Variants in JAKMIP1 observed in about 807,000 individuals in gnomAD.
JAKMIP1 encodes janus kinase and microtubule-interacting protein 1.
In JAKMIP1, 33 loss-of-function variants were observed where a neutral mutation model predicts 113.0. The observed-to-expected ratio is 0.29, with a 90% CI of 0.22 to 0.39. The LOEUF (loss-of-function observed/expected upper bound fraction) is 0.39, where lower values mean the gene tolerates loss of function less well. Among genes scored for constraint, JAKMIP1 ranks in the 10% least tolerant of loss-of-function variants. The pLI, the probability that JAKMIP1 is intolerant of heterozygous loss-of-function variation, is 1.00. For missense variants in JAKMIP1, 813 were observed against 1,080.5 expected (o/e 0.75, Z 3.47); for synonymous variants, 480 against 459.9 (o/e 1.04, Z -0.56).
At chr4:6,038,330 C>T (rs1713833327) in intron 18 of JAKMIP1, among the ~76,000 whole-genome samples, 1 of 147,678 alleles carries the variant, frequency 6.8e-6, no homozygotes, top group South Asian at 2.1e-4. Flanking sequence ...CAGTAGCCCT[C>T]CATCACTGAG....
Position 6,185,815 on chromosome 4 carries a change from A to G in JAKMIP1, c.-148+14438T>C, listed in dbSNP as rs1350023017. 6.6e-6 allele frequency among the ~76,000 whole-genome samples: 1 copy of G among 152,192 alleles called. No homozygotes were observed. Among genetic ancestry groups the G allele is most frequent in the Non-Finnish European group, 1.5e-5 (1 of 68,026 alleles). On this transcript the variant is annotated intron_variant, in intron 1 of 20. Coordinates refer to ENST00000409021, the MANE Select transcript of JAKMIP1 (RefSeq NM_001099433.2). The surrounding 1 kb of genome is among the most constrained non-coding windows in gnomAD (Gnocchi z 5.3). ...TGTTCACTACAAACCCTCCTGATTA[A>G]GGCTCATTAAGGCAGGTGTTCTAGA...
In JAKMIP1 at chr4:6,153,421, C is replaced by A. The variant is rs1486174440; in HGVS notation, c.-147-40424G>T. On this transcript the variant is annotated intron_variant, in intron 1 of 20. Transcript: ENST00000409021. This position sits in a 1 kb window ranked among gnomAD's most constrained non-coding sequence, Gnocchi z 4.9. ...CCTTGTGACCCTGGCCCTCTCTAGG[C>A]TTCAATTTCATGTTTTGAAAAATGA... 6.6e-6 allele frequency among the ~76,000 whole-genome samples: 1 copy of A among 152,228 alleles called. No individual in the cohort carries two copies. Among genetic ancestry groups the A allele is most frequent in the Non-Finnish European group, 1.5e-5 (1 of 68,040 alleles).
Position 6,040,508 on chromosome 4 carries a change from G to A in JAKMIP1, c.2175+131C>T. ...TGTACGGTCATTCCAGTCACAAGGT[G>A]GAGATGGCATTTTTATCACTCCTGT... is the stretch of plus-strand genomic sequence containing the variant. On this transcript the variant is annotated intron_variant, in intron 18 of 20. Coordinates refer to ENST00000409021, the MANE Select transcript of JAKMIP1 (RefSeq NM_001099433.2). The surrounding 1 kb of genome is among the most constrained non-coding windows in gnomAD (Gnocchi z 5.8). 2.8e-6 allele frequency: 2 copies of A among 720,558 alleles called. No individual in the cohort carries two copies. The highest frequency in any genetic ancestry group is 2.0e-5 in the Admixed American group (1 of 49,976). The allele number at this position is 720,558 out of a possible 1,614,324, so 44.6% of individuals were successfully genotyped here. A position where few individuals can be genotyped will look rare whatever the true frequency, so the allele number is the denominator to read the frequency against.
At chr4:6,131,040 G>A (rs1317026714) in intron 1 of JAKMIP1, among the ~76,000 whole-genome samples, 7 of 151,276 alleles carry the variant, frequency 4.6e-5, no homozygotes, top group African/African-American at 1.7e-4. Context: ...TATGTGTGGG[G>A]ATATACACCT....
chr4:6,162,998 C>G lies in JAKMIP1; in HGVS notation c.-148+37255G>C, dbSNP rs545217622. 6.6e-6 allele frequency among the ~76,000 whole-genome samples: 1 copy of G among 152,330 alleles called. No individual in the cohort carries two copies. The highest frequency in any genetic ancestry group is 2.1e-4 in the South Asian group (1 of 4,830). ...TGCTGGGAACATCTGGTTCTGTTGT[C>G]TGCTAATCAAATCCAGCTTCAGGGT... On this transcript the variant is annotated intron_variant, in intron 1 of 20. Transcript: ENST00000409021. The surrounding 1 kb of genome is among the most constrained non-coding windows in gnomAD (Gnocchi z 5.6).
rs1344843619 is a variant in JAKMIP1, at chr4:6,138,432, T to G, written c.-147-25435A>C. ...TTGTATTTTTAGTAGAGATGGGGTT[T>G]CGCCATGTTGACCAGGCTGGTCTCA... On this transcript the variant is annotated intron_variant, in intron 1 of 20. Coordinates refer to ENST00000409021, the MANE Select transcript of JAKMIP1 (RefSeq NM_001099433.2). The surrounding 1 kb of genome is among the most constrained non-coding windows in gnomAD (Gnocchi z 6.0). Among the ~76,000 whole-genome samples the G allele has an allele frequency of 6.6e-6, 1 of 152,044 alleles. No homozygotes were observed. Among genetic ancestry groups the G allele is most frequent in the Non-Finnish European group, 1.5e-5 (1 of 68,014 alleles).
chr4:6,115,128 G>T (rs1396873877), intron 1 of JAKMIP1, among the ~76,000 whole-genome samples: 1 of 152,218 alleles, frequency 6.6e-6, no homozygotes, highest in Non-Finnish European at 1.5e-5. Context: ...AAAAAAACAG[G>T]CTGGGTGTGG....
intron 12 of JAKMIP1, chr4:6,054,602 C>T (rs376547721): frequency 2.9e-5 from 11 of 383,200 alleles, no homozygotes; most frequent in South Asian, 2.2e-4. Context: ...GGGAGGGCCC[C>T]TCCTGCTTCC....
At chr4:6,118,456 T>C (rs955397845) in intron 1 of JAKMIP1, among the ~76,000 whole-genome samples, 2 of 152,022 alleles carry the variant, frequency 1.3e-5, no homozygotes, top group African/African-American at 4.8e-5. Flanking sequence ...GTGTCAGAGA[T>C]GGGTGGGCTG....
chr4:6,056,592 C>T, intron 12 of JAKMIP1, 105 bp downstream of exon 12: 2 of 817,450 alleles, frequency 2.4e-6, no homozygotes, highest in Non-Finnish European at 4.3e-6. Context: ...GCCCTGGTCA[C>T]TGGAGTGCCC....
At chr4:6,189,156 T>G (rs1726960523) in intron 1 of JAKMIP1, among the ~76,000 whole-genome samples, 1 of 152,194 alleles carries the variant, frequency 6.6e-6, no homozygotes, top group African/African-American at 2.4e-5. Flanking sequence ...GCTAATGGAA[T>G]AAGAAATGTG....
At chr4:6,174,371 T>G in intron 1 of JAKMIP1, among the ~76,000 whole-genome samples, 1 of 152,170 alleles carries the variant, frequency 6.6e-6, no homozygotes, top group Non-Finnish European at 1.5e-5. Flanking sequence ...AGGTGTGACA[T>G]ATGATAAGGG....
At chr4:6,196,942 A>G (rs1159317630) in intron 1 of JAKMIP1, among the ~76,000 whole-genome samples, 3 of 151,828 alleles carry the variant, frequency 2.0e-5, no homozygotes, top group South Asian at 2.1e-4. Flanking sequence ...ATTTTCCGTT[A>G]CAAGGGTCAG....
chr4:6,084,104 G>A (rs1271354972), intron 5 of JAKMIP1, among the ~76,000 whole-genome samples: 1 of 151,952 alleles, frequency 6.6e-6, no homozygotes, highest in Non-Finnish European at 1.5e-5. Context: ...GATCACCTGA[G>A]GTCAGGAGTT....
chr4:6,035,674 G>A (rs1713322543), intron 19 of JAKMIP1, among the ~76,000 whole-genome samples: 1 of 152,250 alleles, frequency 6.6e-6, no homozygotes, highest in South Asian at 2.1e-4. Context: ...CTTTGGTTTG[G>A]ATGAATGTTT....
chr4:6,069,402 C>A lies in JAKMIP1; in HGVS notation c.1303-4394G>T, dbSNP rs540643860. 6.6e-6 allele frequency among the ~76,000 whole-genome samples: 1 copy of A among 152,338 alleles called. No individual in the cohort carries two copies. Among genetic ancestry groups the A allele is most frequent in the East Asian group, 1.9e-4 (1 of 5,182 alleles). On this transcript the variant is annotated intron_variant, in intron 8 of 20. Transcript: ENST00000409021. This position sits in a 1 kb window ranked among gnomAD's most constrained non-coding sequence, Gnocchi z 4.5. ...CTCTAGCCTTCCATGTTCCTTGCAA[C>A]CAAAGCCTCTCCTTGTTGACTCGTT...
chr4:6,078,451 G>C (rs1720006315), intron 8 of JAKMIP1, among the ~76,000 whole-genome samples: 2 of 142,834 alleles, frequency 1.4e-5, no homozygotes, highest in African/African-American at 5.3e-5. Context: ...TTACATTCCA[G>C]ATTGGTCCCT....
rs1247579499 is a variant in JAKMIP1 at position 6,106,618 on chromosome 4, C to T, written c.130-651G>A. Among the ~76,000 whole-genome samples, 1 of 152,162 alleles carries T rather than the reference C, an allele frequency of 6.6e-6. No homozygotes were observed. Among genetic ancestry groups the T allele is most frequent in the Admixed American group, 6.5e-5 (1 of 15,280 alleles). On this transcript the variant is annotated intron_variant, in intron 2 of 20. Transcript: ENST00000409021. This position sits in a 1 kb window ranked among gnomAD's most constrained non-coding sequence, Gnocchi z 5.9. ...CAAAGATCAGAGACAGTCTGGTGAG[C>T]TGCCCAGGGTGAGGGATGAGGACCC...
rs113730057 is a variant in JAKMIP1, at chr4:6,084,688, T to C, written c.954+158A>G. ...AAATGGCAGTAAGAGATTTCTTCAA[T>C]GAGCATGTGTTAGATTTTTAATCGA... On this transcript the variant is annotated intron_variant, in intron 5 of 20. Coordinates refer to ENST00000409021, the MANE Select transcript of JAKMIP1 (RefSeq NM_001099433.2). Among the ~76,000 whole-genome samples the C allele has an allele frequency of 9.2e-3, 1,394 of 152,230 alleles. 23 individuals are homozygous for C. Among genetic ancestry groups the C allele is most frequent in the African/African-American group, 0.032 (1,345 of 41,532 alleles).
Sources: gnomAD v4.1 joint callset for allele counts (sites outside exome capture counted in the v4.1 genomes callset) on GRCh38, gnomAD v4.1.1 for gene constraint, Gnocchi (gnomAD v3.1) non-coding constraint, MANE v1.5 for transcripts, NCBI Gene and HGNC (gene_info 2026-07-23, HGNC 2026-07-21) for gene names.